SLC9A7: variants seen among roughly 807,000 people sequenced by gnomAD.
SLC9A7 encodes sodium/hydrogen exchanger 7.
A neutral mutation model predicts 52.6 loss-of-function variants in SLC9A7; 19 were observed. The ratio of observed to expected loss-of-function variants is 0.36; its 90% CI spans 0.25 to 0.53. The LOEUF is 0.53. Ranked by LOEUF, SLC9A7 falls within the 20% of genes least tolerant of loss-of-function variation. The probability of loss-of-function intolerance (pLI) is 0.91; values close to 1 mark genes in which losing one functional copy is unlikely to be tolerated. For missense variants in SLC9A7, 455 were observed against 597.9 expected (o/e 0.76, Z 2.49); for synonymous variants, 226 against 252.1 (o/e 0.90, Z 0.98).
intron 5 of SLC9A7, among the ~76,000 whole-genome samples, chrX:46,665,673 C>T (rs1943909115): frequency 9.1e-6 from 1 of 109,905 alleles, no homozygotes; most frequent in Non-Finnish European, 1.9e-5. Flanking sequence ...TCCTGTGAAC[C>T]ATCATGATGT....
At chrX:46,615,292 C>A (rs1299353882) in intron 15 of SLC9A7, among the ~76,000 whole-genome samples, 2 of 112,293 alleles carry the variant, frequency 1.8e-5, no homozygotes, top group Non-Finnish European at 3.8e-5. Flanking sequence ...CCACTCGCCT[C>A]GGCCTCCCAA....
At chrX:46,696,465 A>C (rs891545063) in intron 1 of SLC9A7, among the ~76,000 whole-genome samples, 1 of 111,635 alleles carries the variant, frequency 9.0e-6, no homozygotes, top group African/African-American at 3.3e-5. Context: ...CCAAAAAATA[A>C]ATCAATAATT....
chrX:46,743,372 T>C (rs1921509081), intron 1 of SLC9A7, among the ~76,000 whole-genome samples: 1 of 112,443 alleles, frequency 8.9e-6, no homozygotes. Flanking sequence ...ATGTGATTTA[T>C]GGTGAACACC....
rs1309730832 is a variant in SLC9A7, at chrX:46,746,472, G to C, written c.325+12233C>G. 5.4e-5 allele frequency among the ~76,000 whole-genome samples: 6 copies of C among 111,893 alleles called. No homozygotes were observed. In the East Asian group the frequency reaches 1.4e-3, roughly 26 times the overall value. On this transcript the variant is annotated intron_variant, in intron 1 of 16. Coordinates refer to ENST00000616978, the MANE Select transcript of SLC9A7 (RefSeq NM_001257291.2). ...GCAAAAAAAAAATCCTATTAAAAAT[G>C]AGCAAAAGATTTAAATAAACATTTC...
chrX:46,625,346 G>A (rs1191640068), intron 14 of SLC9A7, among the ~76,000 whole-genome samples: 1 of 109,250 alleles, frequency 9.2e-6, no homozygotes, highest in East Asian at 2.9e-4. Flanking sequence ...TACACTACCT[G>A]GCAAAAGGCT....
intron 3 of SLC9A7, 101 bp from the exon 4 acceptor site, chrX:46,672,728 A>G (rs1944044832): frequency 1.8e-5 from 10 of 570,748 alleles, no homozygotes; most frequent in Non-Finnish European, 2.8e-5. Context: ...AACTCTACTT[A>G]CTGTTTCCAT....
intron 1 of SLC9A7, among the ~76,000 whole-genome samples, chrX:46,709,363 C>T (rs929027930): frequency 1.8e-5 from 2 of 110,996 alleles, no homozygotes; most frequent in Admixed American, 1.9e-4. Flanking sequence ...GCTGAGATCA[C>T]ACCACTGCAC....
At chrX:46,654,306 C>A (rs1943633837) in intron 7 of SLC9A7, among the ~76,000 whole-genome samples, 1 of 110,193 alleles carries the variant, frequency 9.1e-6, no homozygotes, top group Non-Finnish European at 1.9e-5. Context: ...TCAATTGAAC[C>A]CGGCAGGCAG....
intron 11 of SLC9A7, among the ~76,000 whole-genome samples, chrX:46,643,873 G>T (rs1224048698): frequency 8.9e-6 from 1 of 111,827 alleles, no homozygotes; most frequent in Non-Finnish European, 1.9e-5. Context: ...ATCAGGGGTG[G>T]TCAACTCTTT....
chrX:46,714,571 A>G (rs1319573377), intron 1 of SLC9A7, among the ~76,000 whole-genome samples: 2 of 111,497 alleles, frequency 1.8e-5, no homozygotes, highest in Non-Finnish European at 1.9e-5. Flanking sequence ...TGGACAACAC[A>G]TATATTTTTT....
At chrX:46,633,343 A>T (rs1943255441) in intron 13 of SLC9A7, among the ~76,000 whole-genome samples, 1 of 66,836 alleles carries the variant, frequency 1.5e-5, no homozygotes, top group African/African-American at 7.1e-5. Flanking sequence ...TGCTAAAAAA[A>T]AAAAAAAAAA....
Position 46,613,339 on chromosome X carries a change from C to G in SLC9A7, c.1879G>C (p.Ala627Pro), listed in dbSNP as rs762448444. ...SGPPLTTTLP[A>P]WCGLLARCLT... ...CATCGAGCTAGTAAGCCACACCAGG[C>G]GGGGAGCGTGGTGGTTAGTGGGGGA... The change falls in exon 16 of 17, where the codon GCC becomes CCC. Residue 627 changes from alanine to proline, a missense_variant. Transcript: ENST00000616978. The G allele has an allele frequency of 8.3e-7, 1 of 1,208,010 alleles. No homozygotes were observed. Among genetic ancestry groups the G allele is most frequent in the Non-Finnish European group, 1.1e-6 (1 of 893,478 alleles).
rs1441114550 is a variant in SLC9A7 at position 46,688,400 on chromosome X, C to G, written c.326-5865G>C. Among the ~76,000 whole-genome samples, 3 of 110,744 alleles carry G rather than the reference C, an allele frequency of 2.7e-5. No homozygotes were observed. In the East Asian group the frequency reaches 8.5e-4, roughly 31 times the overall value. On this transcript the variant is annotated intron_variant, in intron 1 of 16. Coordinates refer to ENST00000616978, the MANE Select transcript of SLC9A7 (RefSeq NM_001257291.2). Reference sequence around the variant, plus strand: ...ATCACCTGAGATCAGGAGCTCGAGACCAGCCTGACCAACATGGAGAAACCC... The same window carrying G: ...ATCACCTGAGATCAGGAGCTCGAGAGCAGCCTGACCAACATGGAGAAACCC...
Position 46,599,357 on chromosome X carries a change from A to G in SLC9A7, c.*7595T>C, listed in dbSNP as rs752940696. On this transcript the variant is annotated 3_prime_UTR_variant, in exon 17 of 17. Coordinates refer to ENST00000616978, the MANE Select transcript of SLC9A7 (RefSeq NM_001257291.2). Reference sequence around the variant, plus strand: ...GGCCTAAAGAAAGCTGGAGAGGAATAGCTTACACCCAGAAAAGAACCTCTC... The same window carrying G: ...GGCCTAAAGAAAGCTGGAGAGGAATGGCTTACACCCAGAAAAGAACCTCTC... 8.9e-6 allele frequency: 1 copy of G among 112,118 alleles called. No homozygotes were observed. Among genetic ancestry groups the G allele is most frequent in the Non-Finnish European group, 1.9e-5 (1 of 53,259 alleles). 9.2% of individuals were successfully genotyped at this position (112,118 alleles called of 1,213,427 possible).
chrX:46,743,326 T>C (rs928127896), intron 1 of SLC9A7, among the ~76,000 whole-genome samples: 5 of 112,259 alleles, frequency 4.5e-5, no homozygotes, highest in Admixed American at 9.4e-5. Context: ...GAACACTGAA[T>C]TCTGCTGTAC....
chrX:46,607,241 G>C lies in SLC9A7; in HGVS notation c.1930-38C>G, dbSNP rs758679069. ...ACCAACAACAACAACAAAAATGAGAGACTGATATCTTCCAGGTTTGGCACC... is the reference window on the plus strand; with the variant it reads ...ACCAACAACAACAACAAAAATGAGACACTGATATCTTCCAGGTTTGGCACC... On this transcript the variant is annotated intron_variant, in intron 16 of 16. Transcript: ENST00000616978. The C allele has an allele frequency of 4.2e-6, 5 of 1,187,868 alleles. No homozygotes were observed. The Admixed American group carries it at 6.7e-5, about 16-fold the overall frequency.
chrX:46,676,860 C>G (rs1944127518), intron 3 of SLC9A7, among the ~76,000 whole-genome samples: 1 of 111,310 alleles, frequency 9.0e-6, no homozygotes, highest in African/African-American at 3.3e-5. Flanking sequence ...CAATAAGGCA[C>G]AAAAGAACAA....
chrX:46,674,431 A>G (rs1944076942), intron 3 of SLC9A7, among the ~76,000 whole-genome samples: 1 of 112,435 alleles, frequency 8.9e-6, no homozygotes, highest in South Asian at 3.7e-4. Flanking sequence ...CGTATACTTC[A>G]TAGTTCACAA....
chrX:46,667,362 T>C (rs1341631842), intron 5 of SLC9A7, among the ~76,000 whole-genome samples: 1 of 110,832 alleles, frequency 9.0e-6, no homozygotes, highest in African/African-American at 3.3e-5. Flanking sequence ...TGTAATAAAA[T>C]ATGAGGGTAA....
Sources: gnomAD v4.1 joint callset for allele counts (sites outside exome capture counted in the v4.1 genomes callset) on GRCh38, gnomAD v4.1.1 for gene constraint, MANE v1.5 for transcripts, NCBI Gene and HGNC (gene_info 2026-07-23, HGNC 2026-07-21) for gene names.